DNMT3B: variants seen among roughly 807,000 people sequenced by gnomAD.
The protein encoded by DNMT3B is DNA methyltransferase 3 beta.
DNMT3B carries 37 observed loss-of-function variants against 120.2 expected under a neutral mutation model. The ratio of observed to expected loss-of-function variants is 0.31; its 90% CI spans 0.24 to 0.40. The LOEUF (loss-of-function observed/expected upper bound fraction) is 0.40, where lower values mean the gene tolerates loss of function less well. Ranked by LOEUF, DNMT3B falls within the 10% of genes least tolerant of loss-of-function variation. The probability of loss-of-function intolerance (pLI) is 1.00; values close to 1 mark genes in which losing one functional copy is unlikely to be tolerated. For missense variants in DNMT3B, 878 were observed against 1,137.3 expected, an observed-to-expected ratio of 0.77 and a Z score of 3.28; for synonymous variants, 412 against 442.8, an observed-to-expected ratio of 0.93 and a Z score of 0.87.
chr20:32,776,481 T>G (rs1486135805), intron 1 of DNMT3B, among the ~76,000 whole-genome samples: 1 of 152,050 alleles, frequency 6.6e-6, no homozygotes, highest in Non-Finnish European at 1.5e-5. Flanking sequence ...TGGGGGAGAT[T>G]TGTATCCACT....
At position 32,770,228 on chromosome 20, in the gene DNMT3B, T is replaced by TC. The variant is rs1382414057; in HGVS notation, c.-7+7530dup. ...CCTGGGTTCAAACGATTCTTCTGCA[T>TC]CAGCCTCCTGAGTAGCTGGAATTAC... On this transcript the variant is annotated intron_variant, in intron 1 of 22. Transcript: ENST00000328111. Among the ~76,000 whole-genome samples the TC allele has an allele frequency of 5.3e-5, 8 of 152,244 alleles. No homozygotes were observed. In the East Asian group the frequency reaches 1.4e-3, roughly 26 times the overall value.
chr20:32,771,588 A>G (rs188508550), intron 1 of DNMT3B, among the ~76,000 whole-genome samples: 23 of 148,246 alleles, frequency 1.6e-4, no homozygotes, highest in Admixed American at 1.3e-3. Context: ...GTGACCCGAG[A>G]TCATGCCATT....
intron 14 of DNMT3B, 87 bp from the exon 15 acceptor site, chr20:32,798,373 T>C (rs141149926): frequency 0.012 from 18,469 of 1,550,202 alleles, 124 homozygotes; most frequent in Non-Finnish European, 0.015. Context: ...CAGGAGGGGG[T>C]TGGCATTTCC....
At chr20:32,788,296 T>G (rs1004856003) in intron 6 of DNMT3B, among the ~76,000 whole-genome samples, 2 of 152,210 alleles carry the variant, frequency 1.3e-5, no homozygotes, top group African/African-American at 2.4e-5. Context: ...TTTCTTCTAT[T>G]AAGAACTAGA....
chr20:32,767,493 G>A (rs948243909), intron 1 of DNMT3B, among the ~76,000 whole-genome samples: 1 of 151,940 alleles, frequency 6.6e-6, no homozygotes, highest in Non-Finnish European at 1.5e-5. Context: ...GCAGTGGTGC[G>A]ATCATAGCTC....
At chr20:32,805,262 A>T in intron 20 of DNMT3B, 76 bp from the exon 21 acceptor site, 1 of 1,556,146 alleles carries the variant, frequency 6.4e-7, no homozygotes, top group Non-Finnish European at 8.9e-7. Context: ...TGCAACATAG[A>T]CCCTCACTCC....
intron 17 of DNMT3B, 111 bp from the exon 18 acceptor site, chr20:32,800,724 G>A: frequency 8.1e-7 from 1 of 1,229,218 alleles, no homozygotes; most frequent in East Asian, 2.3e-5. Context: ...AGCCTTCCTG[G>A]GATTACAGGT....
chr20:32,780,165 G>GGGCA (rs1009479964), intron 1 of DNMT3B, 153 bp from the exon 2 acceptor site: 1 of 1,613,432 alleles, frequency 6.2e-7, no homozygotes, highest in African/African-American at 1.3e-5. Flanking sequence ...AGGCTATGGG[G>GGGCA]GGCAGCCTGG....
chr20:32,805,297 T>TC, intron 20 of DNMT3B, 41 bp from the exon 21 acceptor site: 3 of 1,613,738 alleles, frequency 1.9e-6, no homozygotes, highest in Non-Finnish European at 2.5e-6. Context: ...CAGAGGACCC[T>TC]CTATAGCTAG....
At chr20:32,766,569 C>T (rs1269683588) in intron 1 of DNMT3B, among the ~76,000 whole-genome samples, 1 of 152,090 alleles carries the variant, frequency 6.6e-6, no homozygotes, top group African/African-American at 2.4e-5. Flanking sequence ...TAGGTATGAC[C>T]TCTGCTCTAG....
At chr20:32,770,597 A>T (rs1399357960) in intron 1 of DNMT3B, among the ~76,000 whole-genome samples, 1 of 144,816 alleles carries the variant, frequency 6.9e-6, no homozygotes, top group African/African-American at 2.6e-5. Flanking sequence ...TTGAGCCACC[A>T]TGCTCCGCCT....
At position 32,797,284 on chromosome 20, in the gene DNMT3B, A is replaced by G. The variant is rs753800000; in HGVS notation, c.1475A>G (p.Asn492Ser). Residue 492 changes from asparagine to serine, a missense_variant, in exon 14 of 23, where the codon AAC (asparagine) becomes AGC (serine). By Grantham distance (46) the Asn-to-Ser change is conservative (BLOSUM62 1). Coordinates refer to ENST00000328111, the MANE Select transcript of DNMT3B (RefSeq NM_006892.4). Reference sequence around the variant, plus strand: ...GGCCGAGAGCTGCTGCTTTGCAGCAACACGAGCTGCTGCCGGTGAGCACTG... The same window carrying G: ...GGCCGAGAGCTGCTGCTTTGCAGCAGCACGAGCTGCTGCCGGTGAGCACTG... Reference protein sequence around the residue: ...CEGRELLLCSNTSCCRCFCVE... With the variant: ...CEGRELLLCSSTSCCRCFCVE... 6.2e-7 allele frequency: 1 copy of G among 1,614,094 alleles called. No homozygotes were observed. Among genetic ancestry groups the G allele is most frequent in the Non-Finnish European group, 8.5e-7 (1 of 1,179,966 alleles).
chr20:32,808,221 C>T lies in DNMT3B; in HGVS notation c.*318C>T, dbSNP rs529402730. On this transcript the variant is annotated 3_prime_UTR_variant, in exon 23 of 23. Transcript: ENST00000328111. ...TTTTTTTCCCTTCCTGGGTCTACCA[C>T]TCAGAGAAACAATGGCTAAGATACC... 7 of 426,756 alleles carry T rather than the reference C, an allele frequency of 1.6e-5. No individual in the cohort carries two copies. In the South Asian group the frequency reaches 1.8e-4, roughly 11 times the overall value. The allele number at this position is 426,756 out of a possible 1,614,324, so 26.4% of individuals were successfully genotyped here.
rs1244344721 is a variant in DNMT3B at position 32,800,943 on chromosome 20, T to C, written c.1996+18T>C. 1 of 1,613,590 alleles carries C rather than the reference T, an allele frequency of 6.2e-7. No individual in the cohort carries two copies. Reference sequence around the variant, plus strand: ...CCTGTATGGTGAGCATCCTTCTCTCTGGCAGTCCCTGGAGAGCCTATGTCA... The same window carrying C: ...CCTGTATGGTGAGCATCCTTCTCTCCGGCAGTCCCTGGAGAGCCTATGTCA... On this transcript the variant is annotated intron_variant, in intron 18 of 22. Transcript: ENST00000328111.
rs771192296 is a variant in DNMT3B at position 32,795,427 on chromosome 20, G to T, written c.1145G>T (p.Arg382Leu). Residue 382 changes from arginine to leucine, a missense_variant, in exon 11 of 23, where the codon CGC (arginine) becomes CTC (leucine). Around this residue, in one of 4 missense-constraint regions of DNMT3B, gnomAD observed 207 missense variants for 222.6 expected, o/e 0.93. Transcript: ENST00000328111. ...SRKYENKTRRRTADDSATSDY... is the reference protein window; with the variant it reads ...SRKYENKTRRLTADDSATSDY... ...TTCACAGAGAACAAGACTCGAAGAC[G>T]CACAGCTGACGACTCAGCCACCTCT... The T allele has an allele frequency of 1.2e-6, 2 of 1,613,928 alleles. No homozygotes were observed. Among genetic ancestry groups the T allele is most frequent in the Admixed American group, 1.7e-5 (1 of 59,978 alleles).
At chr20:32,773,355 A>G (rs925273042) in intron 1 of DNMT3B, among the ~76,000 whole-genome samples, 13 of 152,178 alleles carry the variant, frequency 8.5e-5, no homozygotes, top group African/African-American at 3.1e-4. Context: ...ACAGTGGTAC[A>G]TGTACTCATG....
intron 16 of DNMT3B, 71 bp from the exon 17 acceptor site, chr20:32,800,082 A>G: frequency 6.3e-7 from 1 of 1,599,186 alleles, no homozygotes. Flanking sequence ...TTACCATAGC[A>G]GGGAGTGGAG....
rs1418784710 is a variant in DNMT3B at position 32,800,217 on chromosome 20, G to A, written c.1824G>A (p.Glu608=). The change falls in exon 17 of 23, where the codon GAG becomes GAA. Residue 608 remains glutamate, a synonymous_variant. Transcript: ENST00000328111. ...VGKYVASEVC[E]ESIAVGTVKH... ...AGTACGTCGCTTCTGAAGTGTGTGA[G>A]GAGTCCATTGCTGTTGGAACCGTGA... 15 of 1,614,206 alleles carry A rather than the reference G, an allele frequency of 9.3e-6. No individual in the cohort carries two copies. The highest frequency in any genetic ancestry group is 1.2e-5 in the Non-Finnish European group (14 of 1,180,050).
chr20:32,792,843 C>T, intron 9 of DNMT3B, 73 bp downstream of exon 9: 1 of 1,596,710 alleles, frequency 6.3e-7, no homozygotes, highest in Non-Finnish European at 8.5e-7. Flanking sequence ...GTCAGCCACC[C>T]CTGCTGCCCC....
Sources: allele counts gnomAD v4.1 joint callset (sites outside exome capture counted in the v4.1 genomes callset), GRCh38; gene constraint gnomAD v4.1.1; regional missense constraint gnomAD v4.1.1; transcripts MANE v1.5; gene names NCBI Gene and HGNC (gene_info 2026-07-23, HGNC 2026-07-21).